PRR14L: variants seen among roughly 807,000 people sequenced by gnomAD.
The protein encoded by PRR14L is protein PRR14L.
In PRR14L, 80 loss-of-function variants were observed where a neutral mutation model predicts 155.0. The ratio of observed to expected loss-of-function variants is 0.52; its 90% confidence interval spans 0.43 to 0.62. PRR14L has a LOEUF of 0.62. Ranked by LOEUF, PRR14L falls within the 20% of genes least tolerant of loss-of-function variation. The pLI, the probability that PRR14L is intolerant of heterozygous loss-of-function variation, is 0.00. For missense variants in PRR14L, 2,469 were observed against 2,548.0 expected (o/e 0.97, Z 0.67); for synonymous variants, 883 against 916.0 (o/e 0.96, Z 0.65).
chr22:31,710,706 G>A (rs1367404151), intron 4 of PRR14L, among the ~76,000 whole-genome samples: 5 of 152,014 alleles, frequency 3.3e-5, no homozygotes, highest in Non-Finnish European at 7.4e-5. Context: ...CACCTGTCTC[G>A]GCCTCCCAAA....
chr22:31,691,569 C>T (rs1436415570), intron 7 of PRR14L, among the ~76,000 whole-genome samples: 1 of 152,190 alleles, frequency 6.6e-6, no homozygotes, highest in African/African-American at 2.4e-5. Context: ...TAGCAGTCAC[C>T]TGGACTCTCC....
rs755879041 is a variant in PRR14L at position 31,715,083 on chromosome 22, T to C, written c.2756A>G (p.Tyr919Cys). ...DVSKETVFCK[Y>C]NISDHAIQEL... ...TTGTATAGCATGATCAGAGATGTTA[T>C]ACTTACAAAATACAGTTTCTTTGGA... Residue 919 changes from tyrosine (Y) to cysteine (C), a missense_variant, in exon 4 of 9, where the codon TAT becomes TGT. By Grantham distance (194) the Tyr-to-Cys change is radical. Coordinates refer to ENST00000327423, the MANE Select transcript of PRR14L (RefSeq NM_173566.3). 2.6e-5 allele frequency: 40 copies of C among 1,551,704 alleles called. No homozygotes were observed. Among genetic ancestry groups the C allele is most frequent in the Non-Finnish European group, 3.4e-5 (39 of 1,146,968 alleles).
chr22:31,715,511 T>C lies in PRR14L; in HGVS notation c.2328A>G (p.Glu776=), dbSNP rs544898227. The stretch of plus-strand genomic sequence containing the variant: ...TATCCTGAGATTGAACGCTGTGACA[T>C]TCTATGACAGAGACCACTTGAGGAA... The part of the protein sequence containing the change: ...AGFPQVVSVI[E]CHSVQSQDIS... Residue 776 remains glutamate (E), a synonymous_variant, in exon 4 of 9, where the codon GAA becomes GAG. Transcript: ENST00000327423. 2 of 1,552,304 alleles carry C rather than the reference T, an allele frequency of 1.3e-6. No homozygotes were observed. Among genetic ancestry groups the C allele is most frequent in the East Asian group, 2.4e-5 (1 of 40,930 alleles).
intron 3 of PRR14L, among the ~76,000 whole-genome samples, chr22:31,724,464 G>A (rs750140742): frequency 6.6e-5 from 10 of 152,162 alleles, no homozygotes; most frequent in Non-Finnish European, 1.2e-4. Context: ...ACAGTGGTGT[G>A]ATCACGGCTC....
At chr22:31,747,988 C>CA (rs150809029) in intron 1 of PRR14L, among the ~76,000 whole-genome samples, 3,717 of 143,462 alleles carry the variant, frequency 0.026, 113 homozygotes, top group African/African-American at 0.073. Context: ...CAGCAACAAG[C>CA]AAAAAAAAAA....
rs1229056340 is a variant in PRR14L at position 31,684,506 on chromosome 22, A to G, written c.*1021T>C. ...CATTAAGACCACACCCAACCATAGTAGTTTTTCAATGATCGGGAGAGAAAC... is the reference window on the plus strand; with the variant it reads ...CATTAAGACCACACCCAACCATAGTGGTTTTTCAATGATCGGGAGAGAAAC... On this transcript the variant is annotated 3_prime_UTR_variant, in exon 9 of 9. Coordinates refer to ENST00000327423, the MANE Select transcript of PRR14L (RefSeq NM_173566.3). 1 of 152,220 alleles carries G rather than the reference A, an allele frequency of 6.6e-6. No individual in the cohort carries two copies. The highest frequency in any genetic ancestry group is 1.5e-5 in the Non-Finnish European group (1 of 68,042). 9.4% of individuals were successfully genotyped at this position (152,220 alleles called of 1,614,324 possible). A position where few individuals can be genotyped will look rare whatever the true frequency, so the allele number is the denominator to read the frequency against.
intron 3 of PRR14L, among the ~76,000 whole-genome samples, chr22:31,718,116 C>CG (rs1284616546): frequency 6.6e-6 from 1 of 151,730 alleles, no homozygotes; most frequent in African/African-American, 2.4e-5. Context: ...TTAGTAGAGA[C>CG]GGAGTTTCAC....
chr22:31,711,898 G>T (rs1048117016), intron 4 of PRR14L, among the ~76,000 whole-genome samples, 185 bp downstream of exon 4: 1 of 152,062 alleles, frequency 6.6e-6, no homozygotes, highest in South Asian at 2.1e-4. Context: ...CTGAGCAGGG[G>T]GTGGGGGTCC....
At position 31,714,376 on chromosome 22, in the gene PRR14L, C is replaced by A; in HGVS notation, c.3463G>T (p.Glu1155Ter). The stretch of plus-strand genomic sequence containing the variant: ...TCATGATCTGCAACAGACTCCATCT[C>A]ATGGGCACAAGAGTCTGGACACTTT... ...MEKCPDSCAH[E>*]MESVADHEPN... Residue 1155 changes from glutamate to a stop codon, truncating the protein, a stop_gained, in exon 4 of 9, where the codon GAG (glutamate) becomes TAG (stop). Transcript: ENST00000327423. LOFTEE classifies it high-confidence loss of function. 6.4e-7 allele frequency: 1 copy of A among 1,551,728 alleles called. No homozygotes were observed. The highest frequency in any genetic ancestry group is 1.2e-5 in the South Asian group (1 of 84,058).
rs1405150034 is a variant in PRR14L at position 31,715,469 on chromosome 22, A to T, written c.2370T>A (p.Arg790=). 13 of 1,552,226 alleles carry T rather than the reference A, an allele frequency of 8.4e-6. No individual in the cohort carries two copies. Among genetic ancestry groups the T allele is most frequent in the Non-Finnish European group, 1.1e-5 (13 of 1,147,136 alleles). Residue 790 remains arginine (R), a synonymous_variant, in exon 4 of 9, where the codon CGT becomes CGA. Coordinates refer to ENST00000327423, the MANE Select transcript of PRR14L (RefSeq NM_173566.3). ...VQSQDISSCH[R]VRKNVSQENM... ...TTTCCTGGGATACATTTTTTCTTAC[A>T]CGATGACAGCTAGAGATATCCTGAG...
chr22:31,740,209 C>A (rs2074805117), intron 1 of PRR14L, among the ~76,000 whole-genome samples: 2 of 151,672 alleles, frequency 1.3e-5, no homozygotes, highest in African/African-American at 4.8e-5. Context: ...GTGCACATCA[C>A]CACACCTGGC....
At chr22:31,741,177 C>T (rs181361377) in intron 1 of PRR14L, among the ~76,000 whole-genome samples, 2,199 of 139,978 alleles carry the variant, frequency 0.016, 55 homozygotes, top group African/African-American at 0.057. Context: ...GGTGTGAACC[C>T]GGGAGGCGGA....
intron 6 of PRR14L, 68 bp from the exon 7 acceptor site, chr22:31,701,830 C>CCTTGTCTCAAAA: frequency 2.4e-6 from 3 of 1,257,038 alleles, no homozygotes; most frequent in Non-Finnish European, 3.4e-6. Flanking sequence ...TTTTTTGAGA[C>CCTTGTCTCAAAA]AAGGTCTCAC....
At chr22:31,746,755 G>A (rs1001980568) in intron 1 of PRR14L, among the ~76,000 whole-genome samples, 1 of 148,828 alleles carries the variant, frequency 6.7e-6, no homozygotes, top group Non-Finnish European at 1.5e-5. Flanking sequence ...ATTATTTCAT[G>A]TTCTTTCTTT....
rs1601503080 is a variant in PRR14L at position 31,712,523 on chromosome 22, G to A, written c.5316C>T (p.Cys1772=). The A allele has an allele frequency of 6.4e-7, 1 of 1,551,806 alleles. No individual in the cohort carries two copies. Among genetic ancestry groups the A allele is most frequent in the South Asian group, 1.2e-5 (1 of 84,088 alleles). Residue 1772 remains cysteine, a synonymous_variant, in exon 4 of 9, where the codon TGC becomes TGT. Transcript: ENST00000327423. ...CTTCCCTGAATGTTGCCATCCCAGG[G>A]CAACCGTGGGACAAGAAGAAAGAAA... ...WTFSFFLSHG[C]PGMATFREDT...
rs563850950 is a variant in PRR14L at position 31,685,464 on chromosome 22, AAAC to A, written c.*60_*62del. ...CCAAGGAGGTCCAAAAAAAAAAAAA[AAAC>A]CCAAAAACAAAACAAAACAAAAAAA... On this transcript the variant is annotated 3_prime_UTR_variant, in exon 9 of 9. Transcript: ENST00000327423. The A allele has an allele frequency of 2.5e-3, 3,566 of 1,410,738 alleles. 54 individuals carry two copies. The African/African-American group carries it at 0.048, about 19-fold the overall frequency. The allele number at this position is 1,410,738 out of a possible 1,614,324, so 87.4% of individuals were successfully genotyped here. A position where few individuals can be genotyped will look rare whatever the true frequency, so the allele number is the denominator to read the frequency against.
rs751701007 is a variant in PRR14L at position 31,715,319 on chromosome 22, G to A, written c.2520C>T (p.His840=). ...CTTTACAGCTGCTTTTTTCCACAGA[G>A]TGTCCTGTTCCTTGGCAGCAGTGAT... ...HRDHCCQGTG[H]SVEKSSCKVS... The change falls in exon 4 of 9, where the codon CAC becomes CAT. Residue 840 remains histidine (H), a synonymous_variant. Coordinates refer to ENST00000327423, the MANE Select transcript of PRR14L (RefSeq NM_173566.3). 6.4e-7 allele frequency: 1 copy of A among 1,552,084 alleles called. No homozygotes were observed. The highest frequency in any genetic ancestry group is 1.2e-5 in the South Asian group (1 of 84,062).
At chr22:31,746,835 T>A (rs2147880189) in intron 1 of PRR14L, among the ~76,000 whole-genome samples, 1 of 151,166 alleles carries the variant, frequency 6.6e-6, no homozygotes, top group Admixed American at 6.6e-5. Context: ...CTCACTCTGT[T>A]GCTCAGGCTG....
Position 31,713,036 on chromosome 22 carries a change from C to T in PRR14L, c.4803G>A (p.Leu1601=). The change falls in exon 4 of 9, where the codon TTG becomes TTA. Residue 1601 remains leucine, a synonymous_variant. Transcript: ENST00000327423. ...PKQMSTPCHP[L]RSLNFRKTTK... Reference sequence around the variant, plus strand: ...TAGTCTTCCTAAAATTCAGGCTCCTCAAGGGATGGCACGGTGTAGACATCT... The same window carrying T: ...TAGTCTTCCTAAAATTCAGGCTCCTTAAGGGATGGCACGGTGTAGACATCT... 1 of 1,552,284 alleles carries T rather than the reference C, an allele frequency of 6.4e-7. No homozygotes were observed. Among genetic ancestry groups the T allele is most frequent in the Non-Finnish European group, 8.7e-7 (1 of 1,147,130 alleles).
Sources: gnomAD v4.1 joint callset for allele counts (sites outside exome capture counted in the v4.1 genomes callset) on GRCh38, gnomAD v4.1.1 for gene constraint, MANE v1.5 for transcripts, NCBI Gene and HGNC (gene_info 2026-07-23, HGNC 2026-07-21) for gene names.